The following AFAP1 variants were observed in gnomAD, a reference collection of about 807,000 sequenced individuals.
The protein encoded by AFAP1 is actin filament-associated protein 1.
Under a neutral mutation model 93.9 loss-of-function variants are expected in AFAP1, and 75 were observed. The ratio of observed to expected loss-of-function variants is 0.80; its 90% CI spans 0.66 to 0.97. The LOEUF is 0.97. Among genes scored for constraint, AFAP1 ranks in the 50% least tolerant of loss-of-function variants. The probability of loss-of-function intolerance (pLI) is 0.00; values close to 1 mark genes in which losing one functional copy is unlikely to be tolerated. For missense variants in AFAP1, 1,201 were observed against 1,050.8 expected, an observed-to-expected ratio of 1.14 and a Z score of -1.98; for synonymous variants, 517 against 430.7, an observed-to-expected ratio of 1.20 and a Z score of -2.48.
intron 1 of AFAP1, chr4:7,872,360 C>G (rs370949145): frequency 8.9e-5 from 28 of 313,898 alleles, no homozygotes; most frequent in Middle Eastern, 1.8e-3. Flanking sequence ...AACCCAAAGG[C>G]CTGACGTCAT....
chr4:7,774,083 A>AG (rs1378262666), intron 15 of AFAP1: 1 of 152,480 alleles, frequency 6.6e-6, no homozygotes, highest in East Asian at 1.9e-4. Context: ...GGCCATGCGT[A>AG]GGTAAGCGGT....
chr4:7,884,509 T>A (rs895729645), intron 1 of AFAP1, among the ~76,000 whole-genome samples: 4 of 133,016 alleles, frequency 3.0e-5, no homozygotes, highest in Non-Finnish European at 7.3e-5. Context: ...GATACTAACA[T>A]ATTTAAATTC....
At chr4:7,840,265 T>TGTGTGTGCGTGTGC (rs1553844322) in intron 5 of AFAP1, among the ~76,000 whole-genome samples, 4 of 69,946 alleles carry the variant, frequency 5.7e-5, no homozygotes, top group African/African-American at 1.9e-4. Context: ...TTTTGGGATG[T>TGTGTGTGCGTGTGC]GTGTGTGTGT....
chr4:7,879,764 C>T (rs1276449861), intron 1 of AFAP1, among the ~76,000 whole-genome samples: 2 of 138,560 alleles, frequency 1.4e-5, no homozygotes, highest in Non-Finnish European at 1.5e-5. Flanking sequence ...TGCAGTGATG[C>T]GATCACATAT....
intron 6 of AFAP1, among the ~76,000 whole-genome samples, chr4:7,828,029 G>C (rs975139130): frequency 6.6e-6 from 1 of 152,220 alleles, no homozygotes; most frequent in African/African-American, 2.4e-5. Flanking sequence ...GCATGTGGAA[G>C]GTGAATTCAG....
intron 9 of AFAP1, among the ~76,000 whole-genome samples, chr4:7,804,751 A>T (rs958906022): frequency 6.6e-6 from 1 of 152,200 alleles, no homozygotes; most frequent in African/African-American, 2.4e-5. Context: ...CTTTGGTTAC[A>T]TGTGGCCAAA....
intron 1 of AFAP1, among the ~76,000 whole-genome samples, chr4:7,925,267 C>G (rs1180779452): frequency 2.6e-5 from 4 of 152,286 alleles, no homozygotes; most frequent in African/African-American, 7.2e-5. Flanking sequence ...GACCATATAC[C>G]CCTCAGGTCC....
At chr4:7,933,918 T>A (rs2149247212) in intron 1 of AFAP1, among the ~76,000 whole-genome samples, 1 of 152,356 alleles carries the variant, frequency 6.6e-6, no homozygotes, top group East Asian at 1.9e-4. Flanking sequence ...ACAATTTCAA[T>A]TATTTTAAGC....
intron 1 of AFAP1, among the ~76,000 whole-genome samples, chr4:7,877,578 C>T (rs898207134): frequency 2.0e-4 from 31 of 152,288 alleles, no homozygotes; most frequent in East Asian, 5.8e-4. Flanking sequence ...AGGCTGCCTA[C>T]GGTCACCAAG....
intron 9 of AFAP1, among the ~76,000 whole-genome samples, chr4:7,807,793 G>A (rs910679929): frequency 3.3e-5 from 5 of 152,188 alleles, no homozygotes; most frequent in Admixed American, 2.6e-4. Context: ...CCGAGGAGCT[G>A]AGACTTTGCC....
At chr4:7,806,921 A>T (rs1217379404) in intron 9 of AFAP1, among the ~76,000 whole-genome samples, 13 of 152,216 alleles carry the variant, frequency 8.5e-5, no homozygotes, top group Admixed American at 7.9e-4. Context: ...TCACCAGCAC[A>T]AATGCAGCTA....
chr4:7,854,397 T>A (rs1245331874), intron 4 of AFAP1, among the ~76,000 whole-genome samples: 2 of 152,204 alleles, frequency 1.3e-5, no homozygotes, highest in Admixed American at 1.3e-4. Context: ...GGGCACGCAG[T>A]CCAGCTGGCC....
chr4:7,821,542 G>GCAGCAAATAAGACAGACAAGGT (rs1560180067), intron 6 of AFAP1, among the ~76,000 whole-genome samples: 14 of 152,186 alleles, frequency 9.2e-5, no homozygotes, highest in Non-Finnish European at 1.5e-4. Flanking sequence ...CACGGGGGAC[G>GCAGCAAATAAGACAGACAAGGT]TGCAGCAAAT....
rs906630511 is a variant in AFAP1, at chr4:7,843,715, G to A, written c.335-365C>T. 16 of 198,792 alleles carry A rather than the reference G, an allele frequency of 8.0e-5. No individual in the cohort carries two copies. In the South Asian group the frequency reaches 1.4e-3, roughly 17 times the overall value. 12.3% of individuals were successfully genotyped at this position (198,792 alleles called of 1,614,324 possible). A position where few individuals can be genotyped will look rare whatever the true frequency, so the allele number is the denominator to read the frequency against. ...CCGCCATACAGAACTCTTGCCCATG[G>A]AGGTCCCTTGCCCTCCCACGTCCGC... On this transcript the variant is annotated intron_variant, in intron 4 of 17. Coordinates refer to ENST00000420658, the MANE Select transcript of AFAP1 (RefSeq NM_001134647.2).
intron 3 of AFAP1, among the ~76,000 whole-genome samples, chr4:7,864,903 A>G (rs968723903): frequency 3.9e-5 from 6 of 152,176 alleles, no homozygotes; most frequent in African/African-American, 1.4e-4. Flanking sequence ...GCTTGAGCAC[A>G]GGAGTTCAAG....
At chr4:7,833,098 G>A (rs1375744982) in intron 6 of AFAP1, among the ~76,000 whole-genome samples, 2 of 152,156 alleles carry the variant, frequency 1.3e-5, no homozygotes, top group Admixed American at 6.5e-5. Flanking sequence ...CTTAGGCAAG[G>A]ACTTCATGAC....
intron 1 of AFAP1, among the ~76,000 whole-genome samples, chr4:7,907,629 T>C (rs1389170539): frequency 3.3e-5 from 5 of 152,164 alleles, no homozygotes; most frequent in Admixed American, 2.6e-4. Context: ...CTATAACTTT[T>C]TGAGCGCTGA....
At position 7,877,050 on chromosome 4, in the gene AFAP1, C is replaced by T. The variant is rs569344774; in HGVS notation, c.-2-4970G>A. On this transcript the variant is annotated intron_variant, in intron 1 of 17. Coordinates refer to ENST00000420658, the MANE Select transcript of AFAP1 (RefSeq NM_001134647.2). ...CTTCCCTAATTACCAAAATCCATTC[C>T]TCCTGTAGCAGCTGTACTGATGACT... Among the ~76,000 whole-genome samples, 20 of 152,300 alleles carry T rather than the reference C, an allele frequency of 1.3e-4. No homozygotes were observed. The South Asian group carries it at 4.1e-3, about 32-fold the overall frequency.
intron 1 of AFAP1, among the ~76,000 whole-genome samples, chr4:7,930,049 G>A (rs984795111): frequency 2.0e-5 from 3 of 152,188 alleles, no homozygotes; most frequent in African/African-American, 7.2e-5. Flanking sequence ...GTTACTCAAT[G>A]CATCAATCTC....
Sources: gnomAD v4.1 joint callset for allele counts (sites outside exome capture counted in the v4.1 genomes callset) on GRCh38, gnomAD v4.1.1 for gene constraint, MANE v1.5 for transcripts, NCBI Gene and HGNC (gene_info 2026-07-23, HGNC 2026-07-21) for gene names.